The following PARD3B variants were observed in gnomAD, a reference collection of about 807,000 sequenced individuals.
The protein encoded by PARD3B is par-3 family cell polarity regulator beta, also known as partitioning defective 3 homolog B.
Under a neutral mutation model 130.2 loss-of-function variants are expected in PARD3B, and 103 were observed. The observed-to-expected ratio is 0.79, with a 90% CI of 0.67 to 0.93. PARD3B has a LOEUF of 0.93. Among genes scored for constraint, PARD3B ranks in the 40% least tolerant of loss-of-function variants. The probability of loss-of-function intolerance (pLI) is 0.00; values close to 1 mark genes in which losing one functional copy is unlikely to be tolerated. For synonymous variants in PARD3B, 583 were observed against 553.2 expected (o/e 1.05, Z -0.76); for missense variants, 1,609 against 1,499.2 (o/e 1.07, Z -1.21).
At chr2:204,765,396 T>C (rs1231150213) in intron 2 of PARD3B, among the ~76,000 whole-genome samples, 1 of 152,196 alleles carries the variant, frequency 6.6e-6, no homozygotes, top group Non-Finnish European at 1.5e-5. Context: ...TGCAAGAAGA[T>C]CAGTGGAAGA....
At chr2:204,755,385 T>C (rs920562681) in intron 2 of PARD3B, among the ~76,000 whole-genome samples, 5 of 152,058 alleles carry the variant, frequency 3.3e-5, no homozygotes, top group African/African-American at 1.2e-4. Context: ...TTAAAACCCT[T>C]CAGATGTCAT....
chr2:204,654,717 A>G (rs1338147845), intron 1 of PARD3B, among the ~76,000 whole-genome samples: 1 of 152,170 alleles, frequency 6.6e-6, no homozygotes, highest in African/African-American at 2.4e-5. Flanking sequence ...CTGGAACTTC[A>G]TTATTGGTGA....
intron 1 of PARD3B, among the ~76,000 whole-genome samples, chr2:204,586,426 C>T (rs1283342240): frequency 6.6e-6 from 1 of 152,076 alleles, no homozygotes; most frequent in Non-Finnish European, 1.5e-5. Context: ...AATGCTTGCC[C>T]CTGTTTTGAG....
At position 204,951,868 on chromosome 2, in the gene PARD3B, A is replaced by G. The variant is rs553815868; in HGVS notation, c.223-13284A>G. On this transcript the variant is annotated intron_variant, in intron 2 of 22. Coordinates refer to ENST00000406610, the MANE Select transcript of PARD3B (RefSeq NM_001302769.2). ...TGGTGAGAGTCAAAGACGCATGCTC[A>G]CAGACACATTTTTATTTTTAACCTG... 2.6e-5 allele frequency among the ~76,000 whole-genome samples: 4 copies of G among 152,332 alleles called. No homozygotes were observed. The South Asian group carries it at 8.3e-4, about 32-fold the overall frequency.
intron 2 of PARD3B, among the ~76,000 whole-genome samples, chr2:204,823,052 A>G (rs2043427712): frequency 2.0e-5 from 3 of 152,168 alleles, no homozygotes; most frequent in African/African-American, 4.8e-5. Context: ...CCCTCTGGAA[A>G]TACAAGGTAG....
At chr2:205,526,246 G>A (rs1265379755) in intron 21 of PARD3B, among the ~76,000 whole-genome samples, 4 of 152,132 alleles carry the variant, frequency 2.6e-5, no homozygotes, top group Non-Finnish European at 4.4e-5. Context: ...GGGTGTCTGT[G>A]GTGGGATTGT....
chr2:204,952,245 A>C (rs1042918206), intron 2 of PARD3B, among the ~76,000 whole-genome samples: 2 of 152,226 alleles, frequency 1.3e-5, no homozygotes, highest in Non-Finnish European at 2.9e-5. Flanking sequence ...TTATTTGTGC[A>C]TATTTTTATT....
intron 16 of PARD3B, among the ~76,000 whole-genome samples, chr2:205,251,163 A>G (rs1559588186): frequency 6.6e-6 from 1 of 152,130 alleles, no homozygotes; most frequent in Non-Finnish European, 1.5e-5. Flanking sequence ...TAGGAACACA[A>G]TAGCTTTAAT....
At chr2:205,095,189 C>G (rs1316069751) in intron 4 of PARD3B, among the ~76,000 whole-genome samples, 3 of 152,064 alleles carry the variant, frequency 2.0e-5, no homozygotes, top group African/African-American at 7.2e-5. Flanking sequence ...TATCGAAGCA[C>G]TGGGCTTAAG....
intron 2 of PARD3B, among the ~76,000 whole-genome samples, chr2:204,812,762 G>A (rs1354560523): frequency 6.6e-6 from 1 of 152,172 alleles, no homozygotes; most frequent in Non-Finnish European, 1.5e-5. Context: ...CTACTAGGAA[G>A]CTGCTGATAT....
chr2:205,167,558 C>T (rs1212908047), intron 11 of PARD3B, among the ~76,000 whole-genome samples: 1 of 152,148 alleles, frequency 6.6e-6, no homozygotes, highest in Non-Finnish European at 1.5e-5. Flanking sequence ...ACTGCAATTT[C>T]TTCTTTTATA....
At chr2:205,412,232 T>C (rs762933149) in intron 19 of PARD3B, among the ~76,000 whole-genome samples, 1 of 152,102 alleles carries the variant, frequency 6.6e-6, no homozygotes, top group Non-Finnish European at 1.5e-5. Flanking sequence ...AGGCACAAAC[T>C]CCTGCCTTTT....
At chr2:204,752,874 G>C (rs1189314591) in intron 2 of PARD3B, among the ~76,000 whole-genome samples, 1 of 152,150 alleles carries the variant, frequency 6.6e-6, no homozygotes, top group Non-Finnish European at 1.5e-5. Flanking sequence ...CGTCAATCCT[G>C]TAAACCACCT....
At chr2:205,453,440 C>T (rs1320074548) in intron 20 of PARD3B, among the ~76,000 whole-genome samples, 1 of 152,232 alleles carries the variant, frequency 6.6e-6, no homozygotes, top group African/African-American at 2.4e-5. Context: ...GACTTTAGCC[C>T]AAGGCAATGG....
At chr2:204,979,863 A>G (rs185516991) in intron 3 of PARD3B, among the ~76,000 whole-genome samples, 1 of 152,352 alleles carries the variant, frequency 6.6e-6, no homozygotes, top group East Asian at 1.9e-4. Context: ...CTAAAGGTAA[A>G]TTAATAACAA....
intron 1 of PARD3B, among the ~76,000 whole-genome samples, chr2:204,585,613 G>A (rs2032783789): frequency 1.3e-5 from 2 of 151,622 alleles, no homozygotes; most frequent in South Asian, 4.2e-4. Flanking sequence ...CAAAGTGCTG[G>A]GATTACAGGC....
chr2:205,244,016 G>A lies in PARD3B; in HGVS notation c.2141-1762G>A, dbSNP rs1003358014. ...TTTAGGCCTGAGAAAAACAGAATTTGGCTCACAACTGGTGCCTTATAAATA... is the reference window on the plus strand; with the variant it reads ...TTTAGGCCTGAGAAAAACAGAATTTAGCTCACAACTGGTGCCTTATAAATA... On this transcript the variant is annotated intron_variant, in intron 15 of 22. Transcript: ENST00000406610. The surrounding 1 kb of genome is among the most constrained non-coding windows in gnomAD (Gnocchi z 4.7). 1.4e-4 allele frequency among the ~76,000 whole-genome samples: 21 copies of A among 152,072 alleles called. No homozygotes were observed. Among genetic ancestry groups the A allele is most frequent in the African/African-American group, 4.3e-4 (18 of 41,402 alleles).
intron 20 of PARD3B, among the ~76,000 whole-genome samples, chr2:205,457,993 C>T (rs2048331109): frequency 6.6e-6 from 1 of 152,134 alleles, no homozygotes; most frequent in Non-Finnish European, 1.5e-5. Context: ...AAATCCAGAA[C>T]ACTTCTGGTC....
intron 1 of PARD3B, among the ~76,000 whole-genome samples, chr2:204,580,741 T>C (rs2032511437): frequency 2.0e-5 from 3 of 152,150 alleles, no homozygotes; most frequent in Non-Finnish European, 4.4e-5. Context: ...TATGGCAGAA[T>C]TGATTGATTG....
Sources: allele counts gnomAD v4.1 joint callset (sites outside exome capture counted in the v4.1 genomes callset), GRCh38; gene constraint gnomAD v4.1.1; non-coding constraint Gnocchi (gnomAD v3.1); transcripts MANE v1.5; gene names NCBI Gene and HGNC (gene_info 2026-07-23, HGNC 2026-07-21).